The following TOMM22 variants were observed in gnomAD, a reference collection of about 807,000 sequenced individuals.
TOMM22 encodes the protein translocase of outer mitochondrial membrane 22.
Under a neutral mutation model 17.1 loss-of-function variants are expected in TOMM22, and 3 were observed. The observed-to-expected ratio is 0.18, with a 90% CI of 0.08 to 0.45. The LOEUF is 0.45. Ranked by LOEUF, TOMM22 falls within the 20% of genes least tolerant of loss-of-function variation. TOMM22 has a pLI of 0.99. For missense variants in TOMM22, 159 were observed against 179.5 expected (o/e 0.89, Z 0.65); for synonymous variants, 91 against 74.0 (o/e 1.23, Z -1.18).
intron 1 of TOMM22, 68 bp from the exon 2 acceptor site, chr22:38,682,255 C>CA (rs1338803509): frequency 6.4e-7 from 1 of 1,558,234 alleles, no homozygotes; most frequent in Non-Finnish European, 8.8e-7. Context: ...CGGCGGCTCC[C>CA]AGTGCCGCAG....
intron 3 of TOMM22, 73 bp from the exon 4 acceptor site, chr22:38,683,694 G>A: frequency 8.6e-7 from 1 of 1,164,966 alleles, no homozygotes; most frequent in Non-Finnish European, 1.3e-6. Flanking sequence ...GTAGACGTTG[G>A]CCCCATCAGG....
rs570379477 is a variant in TOMM22, at chr22:38,683,747, C to T, written c.355-20C>T. 1 of 1,606,582 alleles carries T rather than the reference C, an allele frequency of 6.2e-7. No individual in the cohort carries two copies. The highest frequency in any genetic ancestry group is 1.3e-5 in the African/African-American group (1 of 74,860). ...CTCTAGGCCTGTATGATGCCTTACA[C>T]CCCTCCTTTTCTTTTCCAGATACTT... is the stretch of plus-strand genomic sequence containing the variant. On this transcript the variant is annotated intron_variant, in intron 3 of 3. Coordinates refer to ENST00000216034, the MANE Select transcript of TOMM22 (RefSeq NM_020243.5).
Position 38,684,016 on chromosome 22 carries a change from C to G in TOMM22, c.*175C>G, listed in dbSNP as rs567042484. ...GGAAAGACTCAACTTGCAACTGTGC[C>G]CTCCACACTATCCTTACTTCTGTCT... On this transcript the variant is annotated 3_prime_UTR_variant, in exon 4 of 4. Transcript: ENST00000216034. The G allele has an allele frequency of 7.6e-5, 45 of 593,912 alleles. No individual in the cohort carries two copies. The highest frequency in any genetic ancestry group is 1.3e-4 in the Non-Finnish European group (44 of 331,994). 36.8% of individuals were successfully genotyped at this position (593,912 alleles called of 1,614,324 possible). A position where few individuals can be genotyped will look rare whatever the true frequency, so the allele number is the denominator to read the frequency against.
intron 3 of TOMM22, among the ~76,000 whole-genome samples, 191 bp downstream of exon 3, chr22:38,683,187 C>T (rs574203645): frequency 2.7e-5 from 4 of 150,508 alleles, no homozygotes; most frequent in African/African-American, 7.4e-5. Flanking sequence ...ATTTATTGTG[C>T]ACTGAATTTC....
intron 3 of TOMM22, among the ~76,000 whole-genome samples, 155 bp downstream of exon 3, chr22:38,683,151 G>C (rs1388100037): frequency 8.4e-6 from 1 of 118,610 alleles, no homozygotes; most frequent in Admixed American, 8.0e-5. Flanking sequence ...TCGGGGGGGG[G>C]GTTCTGGATG....
At position 38,684,466 on chromosome 22, in the gene TOMM22, T is replaced by C. The variant is rs2092489948; in HGVS notation, c.*625T>C. 1 of 152,164 alleles carries C rather than the reference T, an allele frequency of 6.6e-6. No individual in the cohort carries two copies. The highest frequency in any genetic ancestry group is 2.4e-5 in the African/African-American group (1 of 41,390). 9.4% of individuals were successfully genotyped at this position (152,164 alleles called of 1,614,324 possible). A position where few individuals can be genotyped will look rare whatever the true frequency, so the allele number is the denominator to read the frequency against. The stretch of plus-strand genomic sequence containing the variant: ...AGTGCTCACTTTTTGTATTTAAATA[T>C]TAAAAATGATTCCAACTGAAAGTGT... On this transcript the variant is annotated 3_prime_UTR_variant, in exon 4 of 4. Coordinates refer to ENST00000216034, the MANE Select transcript of TOMM22 (RefSeq NM_020243.5).
In TOMM22 at chr22:38,684,148, G is replaced by C. The variant is rs2092488484; in HGVS notation, c.*307G>C. 1 of 371,226 alleles carries C rather than the reference G, an allele frequency of 2.7e-6. No individual in the cohort carries two copies. Among genetic ancestry groups the C allele is most frequent in the South Asian group, 6.3e-5 (1 of 15,796 alleles). 23.0% of individuals were successfully genotyped at this position (371,226 alleles called of 1,614,324 possible). On this transcript the variant is annotated 3_prime_UTR_variant, in exon 4 of 4. Transcript: ENST00000216034. ...CTGGAAGATCTCACTTTCCCCTTGT[G>C]GGGTAGGAACCGATGCCAGTGGGAG...
rs1009714350 is a variant in TOMM22, at chr22:38,683,945, G to C, written c.*104G>C. 1.0e-6 allele frequency: 1 copy of C among 992,654 alleles called. No homozygotes were observed. The highest frequency in any genetic ancestry group is 1.5e-6 in the Non-Finnish European group (1 of 653,150). 61.5% of individuals were successfully genotyped at this position (992,654 alleles called of 1,614,324 possible). On this transcript the variant is annotated 3_prime_UTR_variant, in exon 4 of 4. Transcript: ENST00000216034. Reference sequence around the variant, plus strand: ...TTTTTTTTTTTAACTTTGGCACATTGATCTATCTAAACCTGGTGGGGAGAA... The same window carrying C: ...TTTTTTTTTTTAACTTTGGCACATTCATCTATCTAAACCTGGTGGGGAGAA...
rs1273591175 is a variant in TOMM22 at position 38,684,805 on chromosome 22, T to G, written c.*964T>G. On this transcript the variant is annotated 3_prime_UTR_variant, in exon 4 of 4. Transcript: ENST00000216034. ...GGGGAATAGGGGAGGGGGACAGAAT[T>G]TTTTTTTTTTTTTTTTTGCCTGAGA... is the stretch of plus-strand genomic sequence containing the variant. 1.4e-5 allele frequency: 2 copies of G among 141,632 alleles called. No homozygotes were observed. Among genetic ancestry groups the G allele is most frequent in the Non-Finnish European group, 3.1e-5 (2 of 65,332 alleles). 8.8% of individuals were successfully genotyped at this position (141,632 alleles called of 1,614,324 possible). A position where few individuals can be genotyped will look rare whatever the true frequency, so the allele number is the denominator to read the frequency against.
intron 3 of TOMM22, 49 bp from the exon 4 acceptor site, chr22:38,683,718 A>G (rs370730921): frequency 2.4e-5 from 35 of 1,463,964 alleles, no homozygotes; most frequent in Non-Finnish European, 3.2e-5. Flanking sequence ...GGTGAGAATA[A>G]GCTCTCTAGG....
chr22:38,682,834 G>A, intron 2 of TOMM22, 45 bp from the exon 3 acceptor site: 1 of 1,564,464 alleles, frequency 6.4e-7, no homozygotes. Context: ...TGCCTGTTTT[G>A]TTTGCATGTC....
Position 38,682,017 on chromosome 22 carries a change from C to G in TOMM22, c.39C>G (p.Pro13=). Residue 13 remains proline (P), a synonymous_variant, in exon 1 of 4, where the codon CCC becomes CCG. Transcript: ENST00000216034. ...AAVAAAGAGE[P]QSPDELLPKG... The stretch of plus-strand genomic sequence containing the variant: ...TCGCTGCTGCCGGTGCAGGGGAACC[C>G]CAGTCCCCGGACGAATTGCTCCCGA... The G allele has an allele frequency of 1.2e-6, 2 of 1,611,396 alleles. No homozygotes were observed. The highest frequency in any genetic ancestry group is 4.5e-5 in the East Asian group (2 of 44,786).
At chr22:38,682,822 C>A in intron 2 of TOMM22, 57 bp from the exon 3 acceptor site, 1 of 1,486,500 alleles carries the variant, frequency 6.7e-7, no homozygotes, top group Non-Finnish European at 9.4e-7. Flanking sequence ...CTGGGTAGTT[C>A]TTGCCTGTTT....
chr22:38,682,280 G>C, intron 1 of TOMM22, 43 bp from the exon 2 acceptor site: 1 of 1,597,882 alleles, frequency 6.3e-7, no homozygotes, highest in Non-Finnish European at 8.6e-7. Context: ...GCCAGGAATG[G>C]ATGTCGCTTT....
intron 2 of TOMM22, 68 bp downstream of exon 2, chr22:38,682,509 G>A (rs2092482041): frequency 6.9e-7 from 1 of 1,441,802 alleles, no homozygotes; most frequent in East Asian, 2.3e-5. Context: ...AAGAACACGG[G>A]GTTTGGAAGC....
Position 38,682,021 on chromosome 22 carries a change from TC to T in TOMM22, c.47del (p.Pro16ArgfsTer25). 1 of 1,610,976 alleles carries T rather than the reference TC, an allele frequency of 6.2e-7. No individual in the cohort carries two copies. On this transcript the variant is annotated frameshift_variant, in exon 1 of 4. Transcript: ENST00000216034. LOFTEE classifies it high-confidence loss of function. Reference sequence around the variant, plus strand: ...TGCTGCCGGTGCAGGGGAACCCCAGTCCCCGGACGAATTGCTCCCGAAAGGC... The same window carrying T: ...TGCTGCCGGTGCAGGGGAACCCCAGTCCCGGACGAATTGCTCCCGAAAGGC... Reference protein sequence around the residue: ...VAAAGAGEPQSPDELLPKGDA... With the variant: ...VAAAGAGEPQXPDELLPKGDA...
Position 38,685,262 on chromosome 22 carries a change from C to T in TOMM22, c.*1421C>T, listed in dbSNP as rs1343083086. The T allele has an allele frequency of 1.3e-5, 2 of 152,216 alleles. No homozygotes were observed. The highest frequency in any genetic ancestry group is 2.9e-5 in the Non-Finnish European group (2 of 68,050). The allele number at this position is 152,216 out of a possible 1,614,324, so 9.4% of individuals were successfully genotyped here. Reference sequence around the variant, plus strand: ...CTACAGAACACTGCTGCTGTGCGCTCGGGATGGTGGGGCTGGGCCCAGGCC... The same window carrying T: ...CTACAGAACACTGCTGCTGTGCGCTTGGGATGGTGGGGCTGGGCCCAGGCC... On this transcript the variant is annotated 3_prime_UTR_variant, in exon 4 of 4. Coordinates refer to ENST00000216034, the MANE Select transcript of TOMM22 (RefSeq NM_020243.5).
In TOMM22 at chr22:38,684,012, G is replaced by C. The variant is rs545692428; in HGVS notation, c.*171G>C. 1.7e-6 allele frequency: 1 copy of C among 603,062 alleles called. No individual in the cohort carries two copies. Among genetic ancestry groups the C allele is most frequent in the Non-Finnish European group, 3.0e-6 (1 of 338,636 alleles). The allele number at this position is 603,062 out of a possible 1,614,324, so 37.4% of individuals were successfully genotyped here. The stretch of plus-strand genomic sequence containing the variant: ...TCATGGAAAGACTCAACTTGCAACT[G>C]TGCCCTCCACACTATCCTTACTTCT... On this transcript the variant is annotated 3_prime_UTR_variant, in exon 4 of 4. Transcript: ENST00000216034.
At chr22:38,683,142 C>CGGT (rs1555985144) in intron 3 of TOMM22, 146 bp downstream of exon 3, 1 of 40,798 alleles carries the variant, frequency 2.5e-5, no homozygotes, top group African/African-American at 1.1e-4. Context: ...GGCCGGGGGT[C>CGGT]GGGGGGGGGG....
Sources: gnomAD v4.1 joint callset for allele counts (sites outside exome capture counted in the v4.1 genomes callset) on GRCh38, gnomAD v4.1.1 for gene constraint, MANE v1.5 for transcripts, NCBI Gene and HGNC (gene_info 2026-07-23, HGNC 2026-07-21) for gene names.